Variants in LPP observed in about 807,000 individuals in gnomAD.
LPP encodes the protein LIM domain containing preferred translocation partner in lipoma, also known as lipoma-preferred partner.
In LPP, 38 loss-of-function variants were observed where a neutral mutation model predicts 60.4. The ratio of observed to expected loss-of-function variants is 0.63; its 90% CI spans 0.49 to 0.83. The LOEUF (loss-of-function observed/expected upper bound fraction) is 0.83, where lower values mean the gene tolerates loss of function less well. LPP is among the 40% of genes least tolerant of loss of function. The pLI is 0.00. For synonymous variants in LPP, 328 were observed against 290.8 expected (o/e 1.13, Z -1.30); for missense variants, 902 against 783.6 (o/e 1.15, Z -1.80).
At position 188,665,506 on chromosome 3, in the gene LPP, C is replaced by T. The variant is rs572714988; in HGVS notation, c.1114-42761C>T. ...TGGAGTTTTGCTCTTGTTGCCCAGG[C>T]TGGAGTGCAGTGGTACAATCTCGGC... On this transcript the variant is annotated intron_variant, in intron 7 of 11. Transcript: ENST00000617246. 2.4e-3 allele frequency among the ~76,000 whole-genome samples: 339 copies of T among 141,394 alleles called. 1 individual carries two copies. The highest frequency in any genetic ancestry group is 8.6e-3 in the African/African-American group (322 of 37,434). 92.8% of individuals were successfully genotyped at this position (141,394 alleles called of 152,430 possible).
intron 1 of LPP, among the ~76,000 whole-genome samples, chr3:188,189,313 C>T (rs1727487226): frequency 2.0e-5 from 3 of 152,146 alleles, no homozygotes; most frequent in Admixed American, 2.0e-4. Flanking sequence ...GTCTCAAACT[C>T]CTGAGCTCAA....
At chr3:188,230,112 A>T (rs1211567148) in intron 2 of LPP, among the ~76,000 whole-genome samples, 1 of 151,290 alleles carries the variant, frequency 6.6e-6, no homozygotes, top group East Asian at 1.9e-4. Flanking sequence ...TTTGAGATGG[A>T]GTCTCATTCC....
rs191728059 is a variant in LPP, at chr3:188,451,137, C to T, written c.194-33455C>T. 3.1e-3 allele frequency among the ~76,000 whole-genome samples: 478 copies of T among 152,164 alleles called. 2 individuals are homozygous for T. The highest frequency in any genetic ancestry group is 0.017 in the Middle Eastern group (5 of 294). Reference sequence around the variant, plus strand: ...ATTAGGATTCTTGTTTTCTTCATGCCATCACCAGCACGGGGTATTGCATGA... The same window carrying T: ...ATTAGGATTCTTGTTTTCTTCATGCTATCACCAGCACGGGGTATTGCATGA... On this transcript the variant is annotated intron_variant, in intron 4 of 11. Coordinates refer to ENST00000617246, the MANE Select transcript of LPP (RefSeq NM_001375462.1).
chr3:188,275,490 G>C (rs1739315142), intron 2 of LPP, among the ~76,000 whole-genome samples: 1 of 152,174 alleles, frequency 6.6e-6, no homozygotes, highest in Non-Finnish European at 1.5e-5. Context: ...CCCCTGAGTA[G>C]CTGGGACGGT....
At chr3:188,640,982 C>G (rs139575105) in intron 7 of LPP, among the ~76,000 whole-genome samples, 3 of 152,236 alleles carry the variant, frequency 2.0e-5, no homozygotes, top group Non-Finnish European at 2.9e-5. Context: ...TGCACACTCA[C>G]TCTCATTCTA....
chr3:188,305,849 T>A (rs1751358669), intron 2 of LPP, among the ~76,000 whole-genome samples: 1 of 152,192 alleles, frequency 6.6e-6, no homozygotes, highest in Non-Finnish European at 1.5e-5. Context: ...TTAACGGTGT[T>A]CTTTTCCAAG....
At chr3:188,704,143 A>G (rs1865016533) in intron 7 of LPP, among the ~76,000 whole-genome samples, 1 of 152,168 alleles carries the variant, frequency 6.6e-6, no homozygotes, top group African/African-American at 2.4e-5. Context: ...ACTTGGAGAC[A>G]GGTGACACCA....
intron 3 of LPP, among the ~76,000 whole-genome samples, chr3:188,405,028 T>C (rs1783114878): frequency 1.3e-5 from 2 of 152,230 alleles, no homozygotes; most frequent in Admixed American, 1.3e-4. Context: ...GCTGGGCTGA[T>C]TGTTCCCCTC....
chr3:188,825,269 C>CTCTCTCTCTG (rs1463318065), intron 9 of LPP, among the ~76,000 whole-genome samples: 84 of 101,754 alleles, frequency 8.3e-4, no homozygotes, highest in Admixed American at 1.7e-3. Context: ...CTCTCTCTCT[C>CTCTCTCTCTG]TGTGTGTGTG....
chr3:188,692,319 C>A (rs914842872), intron 7 of LPP, among the ~76,000 whole-genome samples: 2 of 152,106 alleles, frequency 1.3e-5, no homozygotes, highest in African/African-American at 4.8e-5. Flanking sequence ...ACAGCACAGA[C>A]AATGAAACAA....
intron 1 of LPP, among the ~76,000 whole-genome samples, chr3:188,200,653 T>A (rs1284663433): frequency 6.6e-6 from 1 of 152,176 alleles, no homozygotes; most frequent in Non-Finnish European, 1.5e-5. Flanking sequence ...CAGCTTCACT[T>A]CCACCTTCCA....
chr3:188,286,603 T>C (rs1388406050), intron 2 of LPP, among the ~76,000 whole-genome samples: 1 of 152,154 alleles, frequency 6.6e-6, no homozygotes, highest in Non-Finnish European at 1.5e-5. Flanking sequence ...TCAGATACTG[T>C]TAGTTTCTGA....
chr3:188,449,769 T>C (rs1041619736), intron 4 of LPP, among the ~76,000 whole-genome samples: 6 of 151,980 alleles, frequency 3.9e-5, no homozygotes, highest in Admixed American at 3.3e-4. Context: ...AGCATAGTCT[T>C]CCCCCCTCAA....
At chr3:188,575,902 T>G (rs1044732142) in intron 6 of LPP, among the ~76,000 whole-genome samples, 1 of 152,052 alleles carries the variant, frequency 6.6e-6, no homozygotes, top group Non-Finnish European at 1.5e-5. Context: ...ATTGACTGGA[T>G]TTGAGGAATA....
At chr3:188,517,593 AT>A (rs1817715590) in intron 5 of LPP, among the ~76,000 whole-genome samples, 1 of 152,180 alleles carries the variant, frequency 6.6e-6, no homozygotes, top group African/African-American at 2.4e-5. Flanking sequence ...AAGAGGTTTA[AT>A]TGGACTTATA....
chr3:188,838,303 G>C (rs1172741954), intron 9 of LPP, among the ~76,000 whole-genome samples: 1 of 152,090 alleles, frequency 6.6e-6, no homozygotes, highest in Admixed American at 6.6e-5. Flanking sequence ...GGAGGATAAG[G>C]GACTTTGTCA....
intron 5 of LPP, among the ~76,000 whole-genome samples, chr3:188,501,545 C>T (rs968815665): frequency 2.0e-5 from 3 of 151,418 alleles, no homozygotes; most frequent in Non-Finnish European, 4.4e-5. Context: ...GTCAGGAGAT[C>T]GAGACCATCC....
At chr3:188,635,409 G>A (rs1240827009) in intron 7 of LPP, among the ~76,000 whole-genome samples, 1 of 152,182 alleles carries the variant, frequency 6.6e-6, no homozygotes, top group African/African-American at 2.4e-5. Flanking sequence ...TTGTTCTCAA[G>A]AGGTTACCAG....
chr3:188,203,481 A>G (rs1446533423), intron 1 of LPP, among the ~76,000 whole-genome samples: 1 of 89,174 alleles, frequency 1.1e-5, no homozygotes, highest in Non-Finnish European at 2.0e-5. Flanking sequence ...TTAAATATAT[A>G]TATATTTTTA....
Sources: gnomAD v4.1 joint callset for allele counts (sites outside exome capture counted in the v4.1 genomes callset) on GRCh38, gnomAD v4.1.1 for gene constraint, MANE v1.5 for transcripts, NCBI Gene and HGNC (gene_info 2026-07-23, HGNC 2026-07-21) for gene names.